SEMA3A: variants seen among roughly 807,000 people sequenced by gnomAD.
SEMA3A encodes the protein semaphorin-3A.
A neutral mutation model predicts 97.9 loss-of-function variants in SEMA3A; 29 were observed. The observed-to-expected ratio is 0.30, with a 90% CI of 0.22 to 0.40. SEMA3A has a LOEUF of 0.40. Among genes scored for constraint, SEMA3A ranks in the 10% least tolerant of loss-of-function variants. The probability of loss-of-function intolerance (pLI) is 1.00; values close to 1 mark genes in which losing one functional copy is unlikely to be tolerated. For missense variants in SEMA3A, 763 were observed against 951.3 expected, an observed-to-expected ratio of 0.80 and a Z score of 2.60; for synonymous variants, 321 against 323.7, an observed-to-expected ratio of 0.99 and a Z score of 0.09.
At chr7:84,290,449 T>C (rs540759354) in intron 3 of SEMA3A, among the ~76,000 whole-genome samples, 176 of 151,452 alleles carry the variant, frequency 1.2e-3, no homozygotes, top group African/African-American at 3.8e-3. Flanking sequence ...GTTTTTTTTT[T>C]CCTATTTATC....
chr7:84,101,911 A>C (rs966130747), intron 4 of SEMA3A, among the ~76,000 whole-genome samples: 1 of 152,006 alleles, frequency 6.6e-6, no homozygotes, highest in African/African-American at 2.4e-5. Flanking sequence ...AATAATGTCA[A>C]TGTTATTAAT....
At chr7:84,451,860 T>G (rs540263695) in intron 1 of SEMA3A, among the ~76,000 whole-genome samples, 1 of 152,150 alleles carries the variant, frequency 6.6e-6, no homozygotes, top group Non-Finnish European at 1.5e-5. Flanking sequence ...TTTGATGAAG[T>G]TGGAATCCAG....
chr7:84,350,438 T>C (rs1802409611), intron 2 of SEMA3A, among the ~76,000 whole-genome samples: 1 of 152,184 alleles, frequency 6.6e-6, no homozygotes, highest in Non-Finnish European at 1.5e-5. Context: ...GTTTTATATG[T>C]TTAATAAGTT....
intron 2 of SEMA3A, among the ~76,000 whole-genome samples, chr7:84,319,663 G>A (rs542983098): frequency 6.6e-6 from 1 of 152,180 alleles, no homozygotes; most frequent in Admixed American, 6.5e-5. Context: ...AGCAATATCT[G>A]TGACATTATC....
At chr7:84,210,889 T>C (rs185424589) in intron 3 of SEMA3A, among the ~76,000 whole-genome samples, 171 of 152,334 alleles carry the variant, frequency 1.1e-3, no homozygotes, top group African/African-American at 4.0e-3. Context: ...TAACATTACG[T>C]ATCTGCAGGC....
intron 5 of SEMA3A, among the ~76,000 whole-genome samples, chr7:84,054,681 T>C (rs1260724709): frequency 6.9e-6 from 1 of 143,966 alleles, no homozygotes; most frequent in Non-Finnish European, 1.5e-5. Flanking sequence ...AATTTGATCG[T>C]CTGAAGCCTT....
intron 1 of SEMA3A, among the ~76,000 whole-genome samples, chr7:84,180,333 C>T (rs1797703657): frequency 6.6e-6 from 1 of 151,938 alleles, no homozygotes; most frequent in African/African-American, 2.4e-5. Flanking sequence ...TGGCAATTGG[C>T]ATTTATCTAG....
At chr7:84,430,667 C>T (rs1231448100) in intron 1 of SEMA3A, among the ~76,000 whole-genome samples, 1 of 151,690 alleles carries the variant, frequency 6.6e-6, no homozygotes, top group Non-Finnish European at 1.5e-5. Context: ...AAGTAGGGTT[C>T]GTGGGATGAA....
chr7:84,041,599 C>A (rs532068283), intron 6 of SEMA3A, among the ~76,000 whole-genome samples: 1 of 152,142 alleles, frequency 6.6e-6, no homozygotes, highest in East Asian at 1.9e-4. Context: ...CATTGATACT[C>A]CAGAATTGCT....
intron 3 of SEMA3A, among the ~76,000 whole-genome samples, chr7:84,227,643 C>G (rs939311692): frequency 6.6e-6 from 1 of 152,042 alleles, no homozygotes; most frequent in African/African-American, 2.4e-5. Context: ...CATTCTACTT[C>G]AAGGTATTAG....
intron 1 of SEMA3A, among the ~76,000 whole-genome samples, chr7:84,424,592 AT>A (rs1804713685): frequency 1.4e-5 from 1 of 73,850 alleles, no homozygotes; most frequent in African/African-American, 8.2e-5. Flanking sequence ...ATTATATATA[AT>A]ATATAAATAT....
intron 1 of SEMA3A, among the ~76,000 whole-genome samples, chr7:84,427,330 T>C (rs943532723): frequency 6.6e-6 from 1 of 152,018 alleles, no homozygotes; most frequent in African/African-American, 2.4e-5. Flanking sequence ...TTGAAACAAA[T>C]GCTTGGTTGT....
At chr7:84,012,249 GT>G (rs1235481162) in intron 7 of SEMA3A, among the ~76,000 whole-genome samples, 1 of 152,112 alleles carries the variant, frequency 6.6e-6, no homozygotes, top group African/African-American at 2.4e-5. Context: ...AGAATTATAA[GT>G]ATGTGAGATA....
At chr7:84,482,005 T>C (rs1363383054) in intron 1 of SEMA3A, among the ~76,000 whole-genome samples, 1 of 151,734 alleles carries the variant, frequency 6.6e-6, no homozygotes, top group Non-Finnish European at 1.5e-5. Context: ...TAATATAGCT[T>C]CTACCTAAAG....
intron 1 of SEMA3A, 50 bp downstream of exon 1, chr7:84,194,425 G>GA: frequency 8.1e-7 from 1 of 1,237,836 alleles, no homozygotes. Context: ...GAATTAAGGG[G>GA]GGGGGCGGTT....
chr7:84,020,041 T>A (rs1791266774), intron 6 of SEMA3A, among the ~76,000 whole-genome samples: 1 of 113,124 alleles, frequency 8.8e-6, no homozygotes, highest in African/African-American at 3.6e-5. Context: ...CTTTCTTTTT[T>A]TTTTTTTTTT....
At chr7:84,245,964 T>C (rs1431729155) in intron 3 of SEMA3A, among the ~76,000 whole-genome samples, 2 of 152,186 alleles carry the variant, frequency 1.3e-5, no homozygotes, top group Non-Finnish European at 2.9e-5. Flanking sequence ...AGCCGCCCCT[T>C]TCCCCAGGTG....
intron 6 of SEMA3A, among the ~76,000 whole-genome samples, chr7:84,015,433 TC>T (rs1266443047): frequency 1.3e-5 from 2 of 152,166 alleles, no homozygotes; most frequent in African/African-American, 4.8e-5. Flanking sequence ...TTTTGAACGT[TC>T]CTGGGTTGAT....
chr7:84,426,271 T>TTTAG, intron 1 of SEMA3A, among the ~76,000 whole-genome samples: 1 of 140,290 alleles, frequency 7.1e-6, no homozygotes, highest in Admixed American at 7.1e-5. Context: ...GATATAGATA[T>TTTAG]ATAGACAGAT....
Sources: gnomAD v4.1 joint callset for allele counts (sites outside exome capture counted in the v4.1 genomes callset) on GRCh38, gnomAD v4.1.1 for gene constraint, MANE v1.5 for transcripts, NCBI Gene and HGNC (gene_info 2026-07-23, HGNC 2026-07-21) for gene names.